MAPRE3: variants seen among roughly 807,000 people sequenced by gnomAD.
MAPRE3 encodes microtubule associated protein RP/EB family member 3.
MAPRE3 carries 2 observed loss-of-function variants against 30.5 expected under a neutral mutation model. The ratio of observed to expected loss-of-function variants is 0.07; its 90% CI spans 0.03 to 0.21. MAPRE3 has a LOEUF of 0.21. Ranked by LOEUF, MAPRE3 falls within the 10% of genes least tolerant of loss-of-function variation. The pLI is 1.00. For synonymous variants in MAPRE3, 110 were observed against 127.7 expected, an observed-to-expected ratio of 0.86 and a Z score of 0.93; for missense variants, 204 against 351.8, an observed-to-expected ratio of 0.58 and a Z score of 3.36.
rs1255828592 is a variant in MAPRE3, at chr2:27,023,438, G to A, written c.228G>A (p.Lys76=). 1.9e-6 allele frequency: 3 copies of A among 1,614,052 alleles called. No homozygotes were observed. The highest frequency in any genetic ancestry group is 2.7e-5 in the African/African-American group (2 of 74,946). Residue 76 remains lysine (K), a synonymous_variant, in exon 3 of 7, where the codon AAG becomes AAA. Coordinates refer to ENST00000233121, the MANE Select transcript of MAPRE3 (RefSeq NM_012326.4). Reference sequence around the variant, plus strand: ...AGCACGAATACATCCACAACTTCAAGGTGCTGCAAGCAGCTTTCAAGAAGA... The same window carrying A: ...AGCACGAATACATCCACAACTTCAAAGTGCTGCAAGCAGCTTTCAAGAAGA... ...KLEHEYIHNF[K]VLQAAFKKMG... is the part of the protein sequence containing the mutation.
At chr2:27,005,026 C>T (rs1666694605) in intron 1 of MAPRE3, among the ~76,000 whole-genome samples, 1 of 152,126 alleles carries the variant, frequency 6.6e-6, no homozygotes, top group Admixed American at 6.5e-5. Context: ...TCAATCAACA[C>T]ACTTTTTAAA....
intron 1 of MAPRE3, among the ~76,000 whole-genome samples, chr2:27,021,029 G>C (rs1444171182): frequency 6.6e-6 from 1 of 151,996 alleles, no homozygotes; most frequent in African/African-American, 2.4e-5. Flanking sequence ...TTTTTTTCAT[G>C]TCATGATTTC....
intron 1 of MAPRE3, among the ~76,000 whole-genome samples, chr2:26,991,770 C>A (rs1666349138): frequency 1.3e-5 from 2 of 152,200 alleles, no homozygotes; most frequent in African/African-American, 4.8e-5. Context: ...TCCTGTCTTG[C>A]ATTTGTAGAT....
intron 1 of MAPRE3, among the ~76,000 whole-genome samples, chr2:26,981,354 AGGAAG>A (rs1373618523): frequency 6.6e-6 from 1 of 151,978 alleles, no homozygotes; most frequent in African/African-American, 2.4e-5. Flanking sequence ...CCGGAGGTAG[AGGAAG>A]GGCCACAAGT....
At chr2:26,993,487 T>C (rs1666393409) in intron 1 of MAPRE3, among the ~76,000 whole-genome samples, 1 of 152,206 alleles carries the variant, frequency 6.6e-6, no homozygotes. Context: ...GGTGTCAAAA[T>C]TACAGAGTCC....
At chr2:27,003,078 G>C (rs1666638356) in intron 1 of MAPRE3, 1 of 152,332 alleles carries the variant, frequency 6.6e-6, no homozygotes, top group South Asian at 2.1e-4. Flanking sequence ...GTGGCCAAAA[G>C]AGTGAGTGAT....
intron 1 of MAPRE3, among the ~76,000 whole-genome samples, chr2:27,019,317 A>G (rs756656256): frequency 1.5e-5 from 2 of 136,096 alleles, no homozygotes; most frequent in African/African-American, 2.7e-5. Flanking sequence ...GAGCTAAAGC[A>G]GAGTCCTGAG....
intron 1 of MAPRE3, chr2:26,995,580 T>A (rs1666434407): frequency 6.6e-6 from 1 of 152,144 alleles, no homozygotes; most frequent in Non-Finnish European, 1.5e-5. Context: ...TAAATGATAA[T>A]AATGTATTAT....
chr2:26,991,752 G>C (rs1666348583), intron 1 of MAPRE3, among the ~76,000 whole-genome samples: 1 of 152,146 alleles, frequency 6.6e-6, no homozygotes, highest in Admixed American at 6.5e-5. Context: ...GCAACGTCTA[G>C]GCACGCATCC....
intron 1 of MAPRE3, among the ~76,000 whole-genome samples, chr2:26,976,488 G>A (rs879277197): frequency 3.3e-5 from 5 of 152,156 alleles, no homozygotes; most frequent in Admixed American, 2.0e-4. Flanking sequence ...GCATGCTGTG[G>A]CCACGGATGG....
intron 1 of MAPRE3, among the ~76,000 whole-genome samples, chr2:26,988,294 A>C (rs956532897): frequency 7.2e-5 from 11 of 152,330 alleles, no homozygotes; most frequent in African/African-American, 2.6e-4. Flanking sequence ...GTGTGAGGTA[A>C]TATCTGTCCT....
chr2:26,974,131 A>C (rs893396629), intron 1 of MAPRE3, among the ~76,000 whole-genome samples: 6 of 152,216 alleles, frequency 3.9e-5, no homozygotes, highest in African/African-American at 1.4e-4. Context: ...TTAGTGGCTG[A>C]GTCAGGATTA....
At chr2:26,993,987 C>T (rs1666403538) in intron 1 of MAPRE3, among the ~76,000 whole-genome samples, 1 of 152,160 alleles carries the variant, frequency 6.6e-6, no homozygotes, top group South Asian at 2.1e-4. Context: ...CCAGAATACC[C>T]CAGAATTTGA....
At chr2:26,990,452 C>CCTTT (rs778377630) in intron 1 of MAPRE3, among the ~76,000 whole-genome samples, 1 of 152,142 alleles carries the variant, frequency 6.6e-6, no homozygotes, top group Non-Finnish European at 1.5e-5. Context: ...TTTTCCTGAA[C>CCTTT]CTTTGCAGAG....
chr2:27,025,548 C>G (rs1197205332), intron 4 of MAPRE3, 35 bp from the exon 5 acceptor site: 1 of 1,538,516 alleles, frequency 6.5e-7, no homozygotes, highest in Non-Finnish European at 8.7e-7. Context: ...GCTGTGGGCT[C>G]ACGTGGACTT....
chr2:26,998,286 T>C (rs561636558), intron 1 of MAPRE3, among the ~76,000 whole-genome samples: 2 of 152,342 alleles, frequency 1.3e-5, no homozygotes, highest in South Asian at 4.1e-4. Context: ...GGTCCTTGGC[T>C]GACCGAGATT....
At chr2:26,988,452 AT>A (rs1666263905) in intron 1 of MAPRE3, among the ~76,000 whole-genome samples, 1 of 152,120 alleles carries the variant, frequency 6.6e-6, no homozygotes, top group Non-Finnish European at 1.5e-5. Flanking sequence ...TTTTCAGCAA[AT>A]TTTTTTATAT....
intron 1 of MAPRE3, among the ~76,000 whole-genome samples, chr2:27,007,631 C>A (rs921461490): frequency 2.6e-5 from 4 of 152,126 alleles, no homozygotes; most frequent in African/African-American, 9.7e-5. Flanking sequence ...AGTAGAATAA[C>A]AGATATTTAA....
At position 27,023,409 on chromosome 2, in the gene MAPRE3, C is replaced by T. The variant is rs1485338283; in HGVS notation, c.199C>T (p.Leu67=). 6.2e-7 allele frequency: 1 copy of T among 1,614,140 alleles called. No homozygotes were observed. The highest frequency in any genetic ancestry group is 1.1e-5 in the South Asian group (1 of 91,086). The stretch of plus-strand genomic sequence containing the variant: ...GAGGAAAGTGAAGTTCCAGGCCAAA[C>T]TAGAGCACGAATACATCCACAACTT... The part of the protein sequence containing the change: ...HLRKVKFQAK[L]EHEYIHNFKV... The change falls in exon 3 of 7, where the codon CTA becomes TTA. Residue 67 remains leucine, a synonymous_variant. Coordinates refer to ENST00000233121, the MANE Select transcript of MAPRE3 (RefSeq NM_012326.4).
Sources: gnomAD v4.1 joint callset for allele counts (sites outside exome capture counted in the v4.1 genomes callset) on GRCh38, gnomAD v4.1.1 for gene constraint, MANE v1.5 for transcripts, NCBI Gene and HGNC (gene_info 2026-07-23, HGNC 2026-07-21) for gene names.